RYR2: variants seen among roughly 807,000 people sequenced by gnomAD.
The protein encoded by RYR2 is ryanodine receptor 2, also known as cardiac muscle ryanodine receptor-calcium release channel.
A neutral mutation model predicts 601.1 loss-of-function variants in RYR2; 227 were observed. The ratio of observed to expected loss-of-function variants is 0.38; its 90% confidence interval spans 0.34 to 0.42. The LOEUF is 0.42. Among genes scored for constraint, RYR2 ranks in the 10% least tolerant of loss-of-function variants. The probability of loss-of-function intolerance (pLI) is 1.00; values close to 1 mark genes in which losing one functional copy is unlikely to be tolerated. For missense variants in RYR2, 4,646 were observed against 6,156.5 expected (o/e 0.75, Z 8.21); for synonymous variants, 2,223 against 2,175.1 (o/e 1.02, Z -0.61).
chr1:237,572,190 G>A (rs1457176817), intron 29 of RYR2, among the ~76,000 whole-genome samples: 4 of 152,166 alleles, frequency 2.6e-5, no homozygotes, highest in Admixed American at 2.6e-4. Flanking sequence ...TGGGAAGGTA[G>A]GAGGAAGGCT....
At chr1:237,082,866 C>T (rs1399771241) in intron 1 of RYR2, among the ~76,000 whole-genome samples, 1 of 152,000 alleles carries the variant, frequency 6.6e-6, no homozygotes, top group Non-Finnish European at 1.5e-5. Context: ...TATTATATCG[C>T]CTTGCTATTC....
intron 2 of RYR2, among the ~76,000 whole-genome samples, chr1:237,283,254 G>C (rs1351574604): frequency 6.6e-6 from 1 of 152,018 alleles, no homozygotes; most frequent in Non-Finnish European, 1.5e-5. Flanking sequence ...TTTCTTGCTT[G>C]CCTGTCTACC....
At chr1:237,626,557 CTTTTCTTTTTCTTTTTCT>C (rs1403979839) in intron 40 of RYR2, among the ~76,000 whole-genome samples, 22 of 57,608 alleles carry the variant, frequency 3.8e-4, no homozygotes, top group African/African-American at 1.2e-3. Flanking sequence ...GTGTTTCTTT[CTTTTCTTTTTCTTTTTCT>C]TTTTCTTTTT....
chr1:237,470,849 G>C (rs1228082361), intron 17 of RYR2, among the ~76,000 whole-genome samples: 3 of 151,920 alleles, frequency 2.0e-5, no homozygotes, highest in Admixed American at 6.6e-5. Context: ...AGAGAGAGAG[G>C]GAGAGATAGG....
At chr1:237,405,224 TGAG>T (rs1703743562) in intron 10 of RYR2, among the ~76,000 whole-genome samples, 1 of 152,172 alleles carries the variant, frequency 6.6e-6, no homozygotes, top group Admixed American at 6.5e-5. Context: ...ATTGTAGAGA[TGAG>T]GAGCATCTAG....
intron 8 of RYR2, among the ~76,000 whole-genome samples, chr1:237,384,024 G>T (rs1374508315): frequency 6.6e-6 from 1 of 152,098 alleles, no homozygotes; most frequent in East Asian, 1.9e-4. Context: ...TCTGAATATT[G>T]CATACCACAA....
At chr1:237,280,048 T>C (rs1690702401) in intron 2 of RYR2, among the ~76,000 whole-genome samples, 2 of 152,222 alleles carry the variant, frequency 1.3e-5, no homozygotes, top group Non-Finnish European at 2.9e-5. Context: ...GGCGTCACTT[T>C]AATTAAAAGT....
intron 84 of RYR2, among the ~76,000 whole-genome samples, chr1:237,766,231 T>A (rs1009233569): frequency 6.6e-6 from 1 of 152,234 alleles, no homozygotes; most frequent in East Asian, 1.9e-4. Flanking sequence ...AGCCATTAAA[T>A]ACCACTTAAG....
At chr1:237,767,755 A>C (rs1301823554) in intron 84 of RYR2, among the ~76,000 whole-genome samples, 1 of 152,212 alleles carries the variant, frequency 6.6e-6, no homozygotes, top group East Asian at 1.9e-4. Flanking sequence ...AACTTCCCAC[A>C]TGGAATAAAA....
chr1:237,729,973 T>C (rs1010103430), intron 76 of RYR2, among the ~76,000 whole-genome samples: 1 of 152,182 alleles, frequency 6.6e-6, no homozygotes, highest in Non-Finnish European at 1.5e-5. Flanking sequence ...GAAATGTGGT[T>C]GGAGTTATCC....
At chr1:237,444,575 A>C (rs558871305) in intron 13 of RYR2, among the ~76,000 whole-genome samples, 26 of 152,176 alleles carry the variant, frequency 1.7e-4, no homozygotes, top group Non-Finnish European at 4.4e-5. Flanking sequence ...TATATATAGT[A>C]CACAACTGAT....
intron 1 of RYR2, among the ~76,000 whole-genome samples, chr1:237,262,532 TAGGCATG>T (rs1017989980): frequency 6.6e-6 from 1 of 152,046 alleles, no homozygotes; most frequent in Non-Finnish European, 1.5e-5. Context: ...GCTGAGATTA[TAGGCATG>T]AGCCACTGCA....
chr1:237,703,908 A>G (rs1344234643), intron 66 of RYR2, among the ~76,000 whole-genome samples: 1 of 152,058 alleles, frequency 6.6e-6, no homozygotes, highest in Non-Finnish European at 1.5e-5. Flanking sequence ...TACAGAAATA[A>G]ACAAGATACT....
chr1:237,780,751 A>ATGTT lies in RYR2; in HGVS notation c.11881-813_11881-810dup, dbSNP rs563014898. Among the ~76,000 whole-genome samples, 450 of 152,344 alleles carry ATGTT rather than the reference A, an allele frequency of 3.0e-3. 4 individuals are homozygous for ATGTT. Among genetic ancestry groups the ATGTT allele is most frequent in the Non-Finnish European group, 4.0e-3 (270 of 68,022 alleles). ...ACATTGTGTAATATTTATTAGTACAATGTTGTACTAATAGGTAATACCTGT... is the reference window on the plus strand; with the variant it reads ...ACATTGTGTAATATTTATTAGTACAATGTTTGTTGTACTAATAGGTAATACCTGT... On this transcript the variant is annotated intron_variant, in intron 88 of 104. Coordinates refer to ENST00000366574, the MANE Select transcript of RYR2 (RefSeq NM_001035.3).
chr1:237,474,575 G>A (rs574897087), intron 17 of RYR2, among the ~76,000 whole-genome samples: 1 of 152,120 alleles, frequency 6.6e-6, no homozygotes, highest in East Asian at 1.9e-4. Flanking sequence ...AGTTTTAGAA[G>A]CTGAAAAGCA....
chr1:237,681,488 T>C (rs1202475498), intron 62 of RYR2, among the ~76,000 whole-genome samples: 2 of 152,180 alleles, frequency 1.3e-5, no homozygotes, highest in Non-Finnish European at 2.9e-5. Flanking sequence ...CTTTCACTTA[T>C]TGTCTATTTT....
chr1:237,377,877 A>C (rs1424196614), intron 8 of RYR2, among the ~76,000 whole-genome samples: 3 of 152,236 alleles, frequency 2.0e-5, no homozygotes, highest in African/African-American at 7.2e-5. Context: ...AGAAATAGAC[A>C]AAAGAAGAAA....
intron 94 of RYR2, among the ~76,000 whole-genome samples, chr1:237,793,484 C>T (rs1262942796): frequency 1.3e-5 from 2 of 152,164 alleles, no homozygotes; most frequent in African/African-American, 4.8e-5. Flanking sequence ...ACTTTAGTAG[C>T]ATGCATTTGG....
intron 2 of RYR2, among the ~76,000 whole-genome samples, chr1:237,329,430 C>A (rs529807524): frequency 3.3e-4 from 50 of 151,984 alleles, no homozygotes; most frequent in Non-Finnish European, 6.5e-4. Context: ...ATCACGAGGT[C>A]AAGAGATCGA....
Sources: allele counts gnomAD v4.1 joint callset (sites outside exome capture counted in the v4.1 genomes callset), GRCh38; gene constraint gnomAD v4.1.1; transcripts MANE v1.5; gene names NCBI Gene and HGNC (gene_info 2026-07-23, HGNC 2026-07-21).